The following DIP2C variants were observed in gnomAD, a reference collection of about 807,000 sequenced individuals.
DIP2C encodes DIP2 acetate--CoA ligase C (putative).
In DIP2C, 33 loss-of-function variants were observed where a neutral mutation model predicts 192.4. The ratio of observed to expected loss-of-function variants is 0.17; its 90% confidence interval spans 0.13 to 0.23. The LOEUF is 0.23. Ranked by LOEUF, DIP2C falls within the 10% of genes least tolerant of loss-of-function variation. The pLI, the probability that DIP2C is intolerant of heterozygous loss-of-function variation, is 1.00. For missense variants in DIP2C, 1,537 were observed against 2,110.1 expected (o/e 0.73, Z 5.32); for synonymous variants, 979 against 864.1 (o/e 1.13, Z -2.33).
intron 1 of DIP2C, among the ~76,000 whole-genome samples, chr10:593,777 C>A (rs1234488339): frequency 6.6e-6 from 1 of 152,194 alleles, no homozygotes; most frequent in Non-Finnish European, 1.5e-5. Flanking sequence ...CCATCCACAT[C>A]CGTCTCCCCT....
chr10:499,203 A>AC (rs1023834419), intron 1 of DIP2C, among the ~76,000 whole-genome samples: 1 of 151,612 alleles, frequency 6.6e-6, no homozygotes, highest in African/African-American at 2.4e-5. Context: ...TGCAGCCCTG[A>AC]CCCCTCAATG....
rs780268768 is a variant in DIP2C at position 384,595 on chromosome 10, C to T, written c.1707G>A (p.Leu569=). 5 of 1,614,044 alleles carry T rather than the reference C, an allele frequency of 3.1e-6. No homozygotes were observed. Among genetic ancestry groups the T allele is most frequent in the Non-Finnish European group, 4.2e-6 (5 of 1,180,038 alleles). Residue 569 remains leucine (L), a synonymous_variant, in exon 15 of 37, where the codon CTG becomes CTA. Coordinates refer to ENST00000280886, the MANE Select transcript of DIP2C (RefSeq NM_014974.3). ...TCCAGGAGAGAGGGTTCACCTTCAT[C>T]AGCGAGTACGGGATGCTGATCACAT... The part of the protein sequence containing the change: ...MMHVISIPYS[L]MKVNPLSWIQ...
chr10:343,500 G>A (rs1227331364), intron 28 of DIP2C, among the ~76,000 whole-genome samples: 1 of 152,220 alleles, frequency 6.6e-6, no homozygotes, highest in African/African-American at 2.4e-5. Context: ...TTCTGCCTGG[G>A]AGAAGGTTTC....
rs982859468 is a variant in DIP2C, at chr10:363,846, G to C, written c.2477+528C>G. Among the ~76,000 whole-genome samples, 8 of 152,168 alleles carry C rather than the reference G, an allele frequency of 5.3e-5. No homozygotes were observed. The highest frequency in any genetic ancestry group is 1.9e-4 in the East Asian group (1 of 5,198). ...AGGTATCTACTTCCTGCTCCCATCA[G>C]CTTCCAAACTGAAAAAAGGCTCTAA... On this transcript the variant is annotated intron_variant, in intron 20 of 36. Transcript: ENST00000280886. This position sits in a 1 kb window ranked among gnomAD's most constrained non-coding sequence, Gnocchi z 5.4.
At chr10:306,307 T>C (rs148282432) in intron 32 of DIP2C, among the ~76,000 whole-genome samples, 2 of 151,912 alleles carry the variant, frequency 1.3e-5, no homozygotes, top group African/African-American at 4.8e-5. Flanking sequence ...AAAAAGGGCA[T>C]CAGAAACAGG....
intron 4 of DIP2C, among the ~76,000 whole-genome samples, chr10:437,235 C>T (rs1967329444): frequency 6.8e-6 from 1 of 148,090 alleles, no homozygotes; most frequent in Admixed American, 6.7e-5. Context: ...GGATGATATG[C>T]TCCACCCACA....
chr10:289,412 G>A (rs1955359846), intron 32 of DIP2C, among the ~76,000 whole-genome samples: 1 of 152,184 alleles, frequency 6.6e-6, no homozygotes. Context: ...AGGGCTACAG[G>A]TGTGTACTAC....
rs1262165604 is a variant in DIP2C at position 592,791 on chromosome 10, C to T, written c.85+96703G>A. ...CAAAATAAATACCATGAGAATACAG[C>T]TCCAGTTAAGTTAGTAGAATGGAAA... On this transcript the variant is annotated intron_variant, in intron 1 of 36. Transcript: ENST00000280886. Among the ~76,000 whole-genome samples the T allele has an allele frequency of 3.9e-5, 6 of 152,168 alleles. No homozygotes were observed. In the East Asian group the frequency reaches 1.2e-3, roughly 29 times the overall value.
At position 673,080 on chromosome 10, in the gene DIP2C, G is replaced by A. The variant is rs187985155; in HGVS notation, c.85+16414C>T. 2.4e-3 allele frequency among the ~76,000 whole-genome samples: 360 copies of A among 152,240 alleles called. 5 individuals are homozygous for A. The highest frequency in any genetic ancestry group is 8.1e-3 in the African/African-American group (335 of 41,542). On this transcript the variant is annotated intron_variant, in intron 1 of 36. Transcript: ENST00000280886. ...AAGGGGGATGGAATGAGCTTTCCCC[G>A]GCCTTGCTGCTCAGCTGGGAGGGGC...
chr10:348,811 T>C (rs1958647313), intron 25 of DIP2C, 49 bp from the exon 26 acceptor site: 2 of 1,602,926 alleles, frequency 1.2e-6, no homozygotes. Flanking sequence ...CGCTGCTGAG[T>C]GCACACTCTC....
At chr10:420,333 G>T (rs745603054) in intron 5 of DIP2C, among the ~76,000 whole-genome samples, 4 of 152,216 alleles carry the variant, frequency 2.6e-5, no homozygotes, top group Admixed American at 2.6e-4. Flanking sequence ...ACACGGCGTC[G>T]GCCCCTCCTG....
At chr10:525,248 A>G (rs1036025353) in intron 1 of DIP2C, among the ~76,000 whole-genome samples, 1 of 152,176 alleles carries the variant, frequency 6.6e-6, no homozygotes, top group Non-Finnish European at 1.5e-5. Context: ...AACGCCTCAA[A>G]CCGAGATAGA....
chr10:580,142 C>A (rs865869558), intron 1 of DIP2C, among the ~76,000 whole-genome samples: 1 of 152,088 alleles, frequency 6.6e-6, no homozygotes, highest in Non-Finnish European at 1.5e-5. Context: ...ATATAGTGTA[C>A]ACATATCCGA....
At chr10:537,547 C>T (rs1261515815) in intron 1 of DIP2C, among the ~76,000 whole-genome samples, 3 of 151,774 alleles carry the variant, frequency 2.0e-5, no homozygotes, top group African/African-American at 7.3e-5. Context: ...CCCCAGGGCA[C>T]CCAGCATCCT....
chr10:633,891 A>G (rs1326053756), intron 1 of DIP2C, among the ~76,000 whole-genome samples: 1 of 152,244 alleles, frequency 6.6e-6, no homozygotes, highest in Non-Finnish European at 1.5e-5. Context: ...TAAATGCAGG[A>G]AAATGCACTC....
At chr10:296,935 G>GC (rs1310693572) in intron 32 of DIP2C, among the ~76,000 whole-genome samples, 2 of 151,120 alleles carry the variant, frequency 1.3e-5, no homozygotes, top group Non-Finnish European at 3.0e-5. Flanking sequence ...TATACCTAAT[G>GC]TAAATGACGA....
chr10:657,863 T>C (rs111170464), intron 1 of DIP2C, among the ~76,000 whole-genome samples: 199 of 70,150 alleles, frequency 2.8e-3, no homozygotes, highest in Middle Eastern at 0.021. Context: ...CTGGACCTGA[T>C]GCTGGACCTG....
At chr10:546,464 C>T (rs1467299016) in intron 1 of DIP2C, among the ~76,000 whole-genome samples, 6 of 152,224 alleles carry the variant, frequency 3.9e-5, no homozygotes, top group African/African-American at 1.4e-4. Flanking sequence ...ATGCCTCCAT[C>T]TGCGTTCAGT....
At chr10:359,752 C>T (rs541032599) in intron 22 of DIP2C, among the ~76,000 whole-genome samples, 1 of 152,226 alleles carries the variant, frequency 6.6e-6, no homozygotes, top group East Asian at 1.9e-4. Context: ...CATCCTCTAT[C>T]TCTACCAGAT....
Sources: allele counts gnomAD v4.1 joint callset (sites outside exome capture counted in the v4.1 genomes callset), GRCh38; gene constraint gnomAD v4.1.1; non-coding constraint Gnocchi (gnomAD v3.1); transcripts MANE v1.5; gene names NCBI Gene and HGNC (gene_info 2026-07-23, HGNC 2026-07-21).